The following KCNIP1 variants were observed in gnomAD, a reference collection of about 807,000 sequenced individuals.
KCNIP1 encodes A-type potassium channel modulatory protein KCNIP1.
Under a neutral mutation model 33.0 loss-of-function variants are expected in KCNIP1, and 18 were observed. The observed-to-expected ratio is 0.55, with a 90% confidence interval of 0.38 to 0.81. The LOEUF is 0.81. Ranked by LOEUF, KCNIP1 falls within the 30% of genes least tolerant of loss-of-function variation. The probability of loss-of-function intolerance (pLI) is 0.00; values close to 1 mark genes in which losing one functional copy is unlikely to be tolerated. For missense variants in KCNIP1, 238 were observed against 271.6 expected (o/e 0.88, Z 0.87); for synonymous variants, 93 against 98.3 (o/e 0.95, Z 0.32).
chr5:170,478,620 T>C (rs1397999991), intron 1 of KCNIP1, among the ~76,000 whole-genome samples: 1 of 152,186 alleles, frequency 6.6e-6, no homozygotes, highest in Non-Finnish European at 1.5e-5. Flanking sequence ...ACCATCTCTC[T>C]ACCAAGCCCA....
chr5:170,358,131 G>C (rs963874438), intron 1 of KCNIP1, among the ~76,000 whole-genome samples: 3 of 152,146 alleles, frequency 2.0e-5, no homozygotes, highest in African/African-American at 7.2e-5. Context: ...TTCTGGCTGG[G>C]GAGGTTTAAA....
chr5:170,703,533 G>T (rs772877795), intron 1 of KCNIP1, among the ~76,000 whole-genome samples: 1 of 137,622 alleles, frequency 7.3e-6, no homozygotes, highest in Non-Finnish European at 1.5e-5. Context: ...AGTGCTTTAA[G>T]AGGCCGAGGC....
At chr5:170,552,824 G>A (rs540979486) in intron 1 of KCNIP1, among the ~76,000 whole-genome samples, 58 of 152,242 alleles carry the variant, frequency 3.8e-4, no homozygotes, top group Non-Finnish European at 5.7e-4. Flanking sequence ...AGGAACTGTA[G>A]GAGGAGATAG....
At chr5:170,403,892 T>G (rs1208296667) in intron 1 of KCNIP1, among the ~76,000 whole-genome samples, 1 of 152,186 alleles carries the variant, frequency 6.6e-6, no homozygotes, top group Non-Finnish European at 1.5e-5. Flanking sequence ...CCACCTGCAC[T>G]GCATACCAGA....
intron 1 of KCNIP1, among the ~76,000 whole-genome samples, chr5:170,582,548 A>T (rs944743156): frequency 9.9e-5 from 15 of 152,232 alleles, no homozygotes; most frequent in Admixed American, 9.8e-4. Flanking sequence ...AAGGCCACCC[A>T]TAAATGTGCT....
intron 1 of KCNIP1, among the ~76,000 whole-genome samples, chr5:170,630,006 G>A (rs1001757822): frequency 1.3e-4 from 20 of 152,300 alleles, no homozygotes; most frequent in Admixed American, 3.3e-4. Context: ...TGCCCATCCC[G>A]TCTCCCTGCA....
chr5:170,401,178 C>G (rs1754892959), intron 1 of KCNIP1, among the ~76,000 whole-genome samples: 1 of 152,208 alleles, frequency 6.6e-6, no homozygotes, highest in South Asian at 2.1e-4. Flanking sequence ...CTTCAGCTGC[C>G]TACAGGGCTG....
chr5:170,496,597 G>A (rs1474458701), intron 1 of KCNIP1, among the ~76,000 whole-genome samples: 1 of 152,200 alleles, frequency 6.6e-6, no homozygotes, highest in Non-Finnish European at 1.5e-5. Flanking sequence ...CACTGCTAAT[G>A]CAATTATTCT....
intron 1 of KCNIP1, among the ~76,000 whole-genome samples, chr5:170,550,607 T>C (rs1274970176): frequency 6.6e-6 from 1 of 151,788 alleles, no homozygotes; most frequent in African/African-American, 2.4e-5. Flanking sequence ...ATGATGATGG[T>C]GATGACAATG....
chr5:170,363,936 G>A (rs931270388), intron 1 of KCNIP1, among the ~76,000 whole-genome samples: 1 of 151,726 alleles, frequency 6.6e-6, no homozygotes, highest in African/African-American at 2.4e-5. Flanking sequence ...GACTGTTCTA[G>A]GTTCCTCATA....
intron 1 of KCNIP1, among the ~76,000 whole-genome samples, chr5:170,576,222 T>G (rs1008778015): frequency 2.0e-5 from 3 of 152,198 alleles, no homozygotes; most frequent in African/African-American, 4.8e-5. Context: ...ATGGCTCATC[T>G]CTACAAAAGC....
rs1400303963 is a variant in KCNIP1, at chr5:170,536,671, A to AGGAAAGC, written c.61+32042_61+32048dup. Among the ~76,000 whole-genome samples, 6 of 152,304 alleles carry AGGAAAGC rather than the reference A, an allele frequency of 3.9e-5. No homozygotes were observed. In the East Asian group the frequency reaches 1.2e-3, roughly 29 times the overall value. On this transcript the variant is annotated intron_variant, in intron 1 of 7. Coordinates refer to ENST00000328939, the MANE Select transcript of KCNIP1 (RefSeq NM_014592.4). The stretch of plus-strand genomic sequence containing the variant: ...CCCCCACACACCTGCAGAGACATTA[A>AGGAAAGC]GGAAAGCGGAGCTACCCTGGGCTGC...
At chr5:170,407,217 T>TAG (rs1165563118) in intron 1 of KCNIP1, among the ~76,000 whole-genome samples, 7 of 152,180 alleles carry the variant, frequency 4.6e-5, no homozygotes, top group Admixed American at 1.3e-4. Flanking sequence ...CGGGGGAAGC[T>TAG]GCACGTGCCA....
intron 1 of KCNIP1, among the ~76,000 whole-genome samples, chr5:170,700,030 G>T (rs1369567599): frequency 6.6e-6 from 1 of 152,098 alleles, no homozygotes; most frequent in African/African-American, 2.4e-5. Context: ...GCACAATGTG[G>T]TCCATGCCTG....
At chr5:170,380,986 T>C (rs1410918974) in intron 1 of KCNIP1, among the ~76,000 whole-genome samples, 1 of 152,230 alleles carries the variant, frequency 6.6e-6, no homozygotes, top group Non-Finnish European at 1.5e-5. Context: ...AAGTGGAAGA[T>C]GCTATTATTA....
At chr5:170,713,285 C>T (rs1763522225) in intron 1 of KCNIP1, among the ~76,000 whole-genome samples, 1 of 152,070 alleles carries the variant, frequency 6.6e-6, no homozygotes, top group South Asian at 2.1e-4. Flanking sequence ...TATTTATTTC[C>T]TATAATCAGC....
At chr5:170,386,188 C>G (rs906064243) in intron 1 of KCNIP1, among the ~76,000 whole-genome samples, 2 of 151,808 alleles carry the variant, frequency 1.3e-5, no homozygotes, top group Non-Finnish European at 2.9e-5. Flanking sequence ...ATTGGATTAT[C>G]CATGTAGCTC....
chr5:170,474,750 G>C (rs1452386176), intron 1 of KCNIP1, among the ~76,000 whole-genome samples: 1 of 152,212 alleles, frequency 6.6e-6, no homozygotes, highest in African/African-American at 2.4e-5. Flanking sequence ...TGTTGTGTCC[G>C]TGGGTCTGTG....
At chr5:170,472,491 C>A (rs1756755543) in intron 1 of KCNIP1, among the ~76,000 whole-genome samples, 1 of 152,220 alleles carries the variant, frequency 6.6e-6, no homozygotes. Context: ...TGAGTAAGTT[C>A]TTTAGTGGTG....
Sources: allele counts gnomAD v4.1 joint callset (sites outside exome capture counted in the v4.1 genomes callset), GRCh38; gene constraint gnomAD v4.1.1; transcripts MANE v1.5; gene names NCBI Gene and HGNC (gene_info 2026-07-23, HGNC 2026-07-21).